Variants in ADAMTS17 observed in about 807,000 individuals in gnomAD.
ADAMTS17 encodes A disintegrin and metalloproteinase with thrombospondin motifs 17.
A neutral mutation model predicts 141.5 loss-of-function variants in ADAMTS17; 113 were observed. The observed-to-expected ratio is 0.80, with a 90% CI of 0.69 to 0.93. The LOEUF (loss-of-function observed/expected upper bound fraction) is 0.93. ADAMTS17 is among the 40% of genes least tolerant of loss of function. The probability of loss-of-function intolerance (pLI) is 0.00; values close to 1 mark genes in which losing one functional copy is unlikely to be tolerated. For synonymous variants in ADAMTS17, 768 were observed against 630.6 expected (o/e 1.22, Z -3.27); for missense variants, 1,659 against 1,517.9 (o/e 1.09, Z -1.54).
In ADAMTS17 at chr15:100,133,202, G is replaced by A. The variant is rs780229040; in HGVS notation, c.1575+12C>T. ...AGCTGCCTGTTGGGGGCAGTGGGAAGTCAGAGGTTACCTTGTCTGCCCCAC... is the reference window on the plus strand; with the variant it reads ...AGCTGCCTGTTGGGGGCAGTGGGAAATCAGAGGTTACCTTGTCTGCCCCAC... On this transcript the variant is annotated intron_variant, in intron 11 of 21. Transcript: ENST00000268070. The A allele has an allele frequency of 2.1e-5, 33 of 1,576,558 alleles. 1 individual carries two copies. In the South Asian group the frequency reaches 3.2e-4, roughly 15 times the overall value.
Position 100,341,036 on chromosome 15 carries a change from T to C in ADAMTS17, c.450+3A>G. On this transcript the variant is annotated splice_donor_region_variant and intron_variant, in intron 2 of 21. Coordinates refer to ENST00000268070, the MANE Select transcript of ADAMTS17 (RefSeq NM_139057.4). The stretch of plus-strand genomic sequence containing the variant: ...GCCGACCCGGAGGTGGCGCGGGCAG[T>C]ACCAGGCCGCCGGCGGCGCCGCAGG... 1 of 1,505,196 alleles carries C rather than the reference T, an allele frequency of 6.6e-7. No individual in the cohort carries two copies. Among genetic ancestry groups the C allele is most frequent in the Non-Finnish European group, 8.9e-7 (1 of 1,129,646 alleles). The allele number at this position is 1,505,196 out of a possible 1,614,324, so 93.2% of individuals were successfully genotyped here. A position where few individuals can be genotyped will look rare whatever the true frequency, so the allele number is the denominator to read the frequency against.
chr15:100,141,425 A>G (rs1163173088), intron 10 of ADAMTS17, among the ~76,000 whole-genome samples: 3 of 152,208 alleles, frequency 2.0e-5, no homozygotes, highest in Non-Finnish European at 4.4e-5. Context: ...ACTGAATGAG[A>G]TGCTTATATA....
At chr15:100,025,270 G>C (rs2061485376) in intron 18 of ADAMTS17, among the ~76,000 whole-genome samples, 1 of 152,042 alleles carries the variant, frequency 6.6e-6, no homozygotes, top group Non-Finnish European at 1.5e-5. Context: ...TGCTACCTCT[G>C]CTCTCTTACT....
intron 7 of ADAMTS17, among the ~76,000 whole-genome samples, chr15:100,207,324 G>C (rs2041613374): frequency 6.6e-6 from 1 of 152,176 alleles, no homozygotes; most frequent in Admixed American, 6.5e-5. Context: ...TACTGGCACT[G>C]CGGAGTTCCA....
intron 18 of ADAMTS17, 31 bp downstream of exon 18, chr15:100,048,826 T>C (rs1430832356): frequency 1.2e-6 from 2 of 1,613,992 alleles, no homozygotes; most frequent in East Asian, 2.2e-5. Flanking sequence ...CAGACTCTGG[T>C]GGGTCCAAGC....
At chr15:100,329,167 C>T (rs773006405) in intron 3 of ADAMTS17, among the ~76,000 whole-genome samples, 5 of 152,190 alleles carry the variant, frequency 3.3e-5, no homozygotes, top group African/African-American at 7.2e-5. Flanking sequence ...GAACCACTGC[C>T]GTAGAGAAAT....
At chr15:100,058,684 A>G (rs571364031) in intron 15 of ADAMTS17, among the ~76,000 whole-genome samples, 2 of 152,326 alleles carry the variant, frequency 1.3e-5, no homozygotes, top group South Asian at 4.1e-4. Flanking sequence ...AGCAGCAACT[A>G]CAGCACGAGG....
At chr15:100,059,130 T>C (rs2032902217) in intron 15 of ADAMTS17, among the ~76,000 whole-genome samples, 1 of 152,228 alleles carries the variant, frequency 6.6e-6, no homozygotes, top group African/African-American at 2.4e-5. Context: ...ATTCTGAAGA[T>C]GCTTGTCTTT....
intron 18 of ADAMTS17, among the ~76,000 whole-genome samples, chr15:100,024,096 TTTTG>T (rs1450123315): frequency 1.3e-5 from 2 of 151,544 alleles, no homozygotes; most frequent in African/African-American, 4.9e-5. Context: ...GTTGATTTTT[TTTTG>T]TTGTTGTTGT....
At chr15:99,980,080 G>A (rs940209088) in intron 20 of ADAMTS17, 8 of 152,230 alleles carry the variant, frequency 5.3e-5, no homozygotes, top group African/African-American at 1.9e-4. Context: ...CAGCATTTTG[G>A]GAGGCTGCAG....
At chr15:100,047,083 C>CT (rs1555431820) in intron 18 of ADAMTS17, among the ~76,000 whole-genome samples, 2 of 151,966 alleles carry the variant, frequency 1.3e-5, no homozygotes, top group East Asian at 1.9e-4. Context: ...AATGGCCCCC[C>CT]TGGGTGTGGC....
intron 15 of ADAMTS17, among the ~76,000 whole-genome samples, chr15:100,057,997 G>A (rs78982431): frequency 1.5e-3 from 222 of 152,084 alleles, no homozygotes; most frequent in African/African-American, 4.6e-3. Context: ...CAGAACAGGC[G>A]AGGAAAGAAA....
intron 7 of ADAMTS17, among the ~76,000 whole-genome samples, chr15:100,218,435 A>G (rs2042034242): frequency 6.6e-6 from 1 of 152,216 alleles, no homozygotes; most frequent in African/African-American, 2.4e-5. Context: ...CTAAATAGAC[A>G]TTTTTCCAAA....
At chr15:100,049,273 T>A (rs554175006) in intron 17 of ADAMTS17, among the ~76,000 whole-genome samples, 2 of 152,316 alleles carry the variant, frequency 1.3e-5, no homozygotes, top group East Asian at 3.9e-4. Flanking sequence ...AGCTTGGGGT[T>A]CGTTGATTTG....
rs4577068 is a variant in ADAMTS17, at chr15:99,975,754, T to A, written c.3127+291A>T. Among the ~76,000 whole-genome samples the A allele has an allele frequency of 0.67, 102,343 of 152,086 alleles. 34,746 individuals carry two copies. Among genetic ancestry groups the A allele is most frequent in the Non-Finnish European group, 0.71 (48,522 of 68,002 alleles). On this transcript the variant is annotated intron_variant, in intron 21 of 21. Transcript: ENST00000268070. The stretch of plus-strand genomic sequence containing the variant: ...GAAGCACTTCCCTTCACATTCCTCA[T>A]GCACAGGAAACCTACAGTGTCTGTG...
Position 100,152,629 on chromosome 15 carries a change from A to T in ADAMTS17, c.1456T>A (p.Phe486Ile). 6.2e-7 allele frequency: 1 copy of T among 1,614,042 alleles called. No individual in the cohort carries two copies. The highest frequency in any genetic ancestry group is 8.5e-7 in the Non-Finnish European group (1 of 1,180,024). The change falls in exon 10 of 22, where the codon TTC (phenylalanine) becomes ATC (isoleucine). Residue 486 changes from phenylalanine to isoleucine, a missense_variant. Physicochemically the swap from Phe to Ile is conservative, Grantham distance 21. Coordinates refer to ENST00000268070, the MANE Select transcript of ADAMTS17 (RefSeq NM_139057.4). ...CQILFGMNATFCRNMEHLMCA... is the reference protein window; with the variant it reads ...CQILFGMNATICRNMEHLMCA... ...CTGCTTACCTCCATGTTTCTGCAGA[A>T]GGTGGCATTCATGCCAAACAGGATC...
At chr15:100,126,144 G>T (rs1373976357) in intron 12 of ADAMTS17, 1 of 152,216 alleles carries the variant, frequency 6.6e-6, no homozygotes, top group African/African-American at 2.4e-5. Context: ...GCAGAAGCAG[G>T]CTGGAGGCTG....
intron 10 of ADAMTS17, among the ~76,000 whole-genome samples, chr15:100,144,551 A>G (rs1169584944): frequency 2.0e-5 from 3 of 147,328 alleles, no homozygotes; most frequent in African/African-American, 7.4e-5. Context: ...CTCCATCTCG[A>G]AAAAAAAAAA....
intron 18 of ADAMTS17, among the ~76,000 whole-genome samples, chr15:100,018,736 C>T (rs1254217217): frequency 1.3e-5 from 2 of 152,206 alleles, no homozygotes; most frequent in African/African-American, 4.8e-5. Context: ...CAGACTAATA[C>T]ATCCCCCAAA....
Sources: allele counts gnomAD v4.1 joint callset (sites outside exome capture counted in the v4.1 genomes callset), GRCh38; gene constraint gnomAD v4.1.1; transcripts MANE v1.5; gene names NCBI Gene and HGNC (gene_info 2026-07-23, HGNC 2026-07-21).